GRIP1: variants seen among roughly 807,000 people sequenced by gnomAD.
The protein encoded by GRIP1 is glutamate receptor-interacting protein 1.
In GRIP1, 45 loss-of-function variants were observed where a neutral mutation model predicts 129.9. The observed-to-expected ratio is 0.35, with a 90% CI of 0.27 to 0.44. The LOEUF is 0.44. Among genes scored for constraint, GRIP1 ranks in the 20% least tolerant of loss-of-function variants. GRIP1 has a pLI of 1.00. For synonymous variants in GRIP1, 530 were observed against 520.8 expected, an observed-to-expected ratio of 1.02 and a Z score of -0.24; for missense variants, 1,196 against 1,396.8, an observed-to-expected ratio of 0.86 and a Z score of 2.29.
chr12:66,619,944 C>T lies in GRIP1; in HGVS notation c.56-23017G>A, dbSNP rs577340521. Among the ~76,000 whole-genome samples the T allele has an allele frequency of 2.0e-5, 3 of 152,278 alleles. 1 individual carries two copies. In the South Asian group the frequency reaches 6.2e-4, roughly 32 times the overall value. The stretch of plus-strand genomic sequence containing the variant: ...GGTTGAACTTACTGCCTCTTAAAAA[C>T]CTCTAGTAGCAACAACTCTTCTTTA... On this transcript the variant is annotated intron_variant, in intron 1 of 24. Coordinates refer to ENST00000359742, the MANE Select transcript of GRIP1 (RefSeq NM_001366722.1).
intron 1 of GRIP1, among the ~76,000 whole-genome samples, chr12:66,750,950 T>C (rs2037107769): frequency 6.6e-6 from 1 of 152,204 alleles, no homozygotes; most frequent in African/African-American, 2.4e-5. Context: ...GAAGATTGAT[T>C]TAAACCAATA....
intron 1 of GRIP1, among the ~76,000 whole-genome samples, chr12:66,849,293 ACCT>A (rs1393162044): frequency 2.0e-5 from 3 of 151,480 alleles, no homozygotes; most frequent in Admixed American, 1.3e-4. Flanking sequence ...TCACATCCAA[ACCT>A]CCTCCGTGAA....
rs539976685 is a variant in GRIP1 at position 67,011,161 on chromosome 12, A to G, written c.58+57889T>C. On this transcript the variant is annotated intron_variant, in intron 1 of 1. Transcript: ENST00000643019. ...ACTCAACATCTCCAAAACTGAAATCATCATCATCACCTATGAATCCTGCTT... is the reference window on the plus strand; with the variant it reads ...ACTCAACATCTCCAAAACTGAAATCGTCATCATCACCTATGAATCCTGCTT... Among the ~76,000 whole-genome samples, 4 of 152,206 alleles carry G rather than the reference A, an allele frequency of 2.6e-5. No individual in the cohort carries two copies. The South Asian group carries it at 8.3e-4, about 32-fold the overall frequency.
chr12:66,567,398 A>T (rs1024722197), intron 2 of GRIP1, among the ~76,000 whole-genome samples: 5 of 151,788 alleles, frequency 3.3e-5, no homozygotes, highest in Non-Finnish European at 7.4e-5. Flanking sequence ...TAGTCTTCCA[A>T]AACTGACCAC....
intron 1 of GRIP1, among the ~76,000 whole-genome samples, chr12:66,651,508 G>A (rs1309695294): frequency 6.6e-6 from 1 of 152,134 alleles, no homozygotes; most frequent in East Asian, 1.9e-4. Flanking sequence ...GAATACTCAT[G>A]ATTGTTGTTC....
intron 1 of GRIP1, among the ~76,000 whole-genome samples, chr12:66,777,306 G>A (rs2038013015): frequency 6.6e-6 from 1 of 152,002 alleles, no homozygotes; most frequent in Non-Finnish European, 1.5e-5. Flanking sequence ...TCCCAACTTG[G>A]TCTTGGTGCT....
chr12:67,032,808 A>G (rs73135612), intron 1 of GRIP1, among the ~76,000 whole-genome samples: 36,150 of 152,124 alleles, frequency 0.24, 4,835 homozygotes, highest in Non-Finnish European at 0.29. Flanking sequence ...TTCAAATGGA[A>G]GCAACACGTA....
At chr12:66,963,272 A>C (rs1022361477) in intron 1 of GRIP1, among the ~76,000 whole-genome samples, 1 of 152,160 alleles carries the variant, frequency 6.6e-6, no homozygotes, top group Non-Finnish European at 1.5e-5. Context: ...CCATGATTGC[A>C]CCACTGTACT....
intron 1 of GRIP1, among the ~76,000 whole-genome samples, chr12:66,931,934 A>C (rs951959787): frequency 6.6e-6 from 1 of 152,200 alleles, no homozygotes; most frequent in African/African-American, 2.4e-5. Flanking sequence ...CAACCAAACA[A>C]ACATTTGTAT....
chr12:66,589,330 A>G (rs2063768268), intron 2 of GRIP1, among the ~76,000 whole-genome samples: 1 of 151,502 alleles, frequency 6.6e-6, no homozygotes, highest in Non-Finnish European at 1.5e-5. Flanking sequence ...ATATTGTTCA[A>G]CTTCCTCTTT....
intron 1 of GRIP1, among the ~76,000 whole-genome samples, chr12:66,911,731 T>C (rs890267971): frequency 6.6e-6 from 1 of 152,084 alleles, no homozygotes; most frequent in Non-Finnish European, 1.5e-5. Context: ...TTAATGAAAA[T>C]ATAGAGGGTG....
intron 1 of GRIP1, among the ~76,000 whole-genome samples, chr12:66,844,019 C>A (rs549954071): frequency 2.6e-5 from 4 of 152,062 alleles, no homozygotes; most frequent in Non-Finnish European, 5.9e-5. Context: ...AAAAGTCAGC[C>A]TTTGGAATGG....
intron 1 of GRIP1, among the ~76,000 whole-genome samples, chr12:66,813,283 C>T (rs899802217): frequency 1.3e-5 from 2 of 152,054 alleles, no homozygotes; most frequent in Non-Finnish European, 2.9e-5. Context: ...AACCAGCTCT[C>T]ATGTGAACTA....
chr12:66,739,271 A>G (rs868247878), intron 1 of GRIP1, among the ~76,000 whole-genome samples: 6 of 152,176 alleles, frequency 3.9e-5, no homozygotes, highest in Non-Finnish European at 8.8e-5. Context: ...CTTATGTCCT[A>G]TAATTTATCT....
intron 1 of GRIP1, among the ~76,000 whole-genome samples, chr12:66,656,220 T>A (rs1290170237): frequency 6.6e-6 from 1 of 152,164 alleles, no homozygotes; most frequent in African/African-American, 2.4e-5. Context: ...TCTCTCTCTG[T>A]AGAATATGCA....
intron 22 of GRIP1, among the ~76,000 whole-genome samples, chr12:66,376,549 A>T (rs2055792290): frequency 6.6e-6 from 1 of 152,228 alleles, no homozygotes; most frequent in African/African-American, 2.4e-5. Flanking sequence ...TTGAATTCAC[A>T]CTAAGTTAAT....
At chr12:66,530,915 G>T (rs1483152357) in intron 4 of GRIP1, among the ~76,000 whole-genome samples, 1 of 151,494 alleles carries the variant, frequency 6.6e-6, no homozygotes, top group Non-Finnish European at 1.5e-5. Context: ...GATCCTGAAG[G>T]GTTTATTAGA....
At chr12:66,461,356 C>G (rs11176199) in intron 9 of GRIP1, among the ~76,000 whole-genome samples, 1 of 152,186 alleles carries the variant, frequency 6.6e-6, no homozygotes, top group Non-Finnish European at 1.5e-5. Context: ...AGTGTACATT[C>G]TTATGGCTAC....
chr12:66,956,559 G>C (rs2041844449), intron 1 of GRIP1, among the ~76,000 whole-genome samples: 1 of 152,178 alleles, frequency 6.6e-6, no homozygotes, highest in African/African-American at 2.4e-5. Context: ...CTCTTGGAAA[G>C]AGGCATATAA....
Sources: gnomAD v4.1 joint callset for allele counts (sites outside exome capture counted in the v4.1 genomes callset) on GRCh38, gnomAD v4.1.1 for gene constraint, MANE v1.5 for transcripts, NCBI Gene and HGNC (gene_info 2026-07-23, HGNC 2026-07-21) for gene names.